UBOX5: variants seen among roughly 807,000 people sequenced by gnomAD.
The protein encoded by UBOX5 is RING finger protein 37.
Under a neutral mutation model 39.0 loss-of-function variants are expected in UBOX5, and 28 were observed. The observed-to-expected ratio is 0.72, with a 90% CI of 0.53 to 0.98. The LOEUF (loss-of-function observed/expected upper bound fraction) is 0.98. Among genes scored for constraint, UBOX5 ranks in the 50% least tolerant of loss-of-function variants. UBOX5 has a pLI of 0.00. For missense variants in UBOX5, 585 were observed against 674.4 expected (o/e 0.87, Z 1.47); for synonymous variants, 283 against 275.5 (o/e 1.03, Z -0.27).
At chr20:3,114,141 A>C (rs2066275626) in intron 4 of UBOX5, among the ~76,000 whole-genome samples, 2 of 152,210 alleles carry the variant, frequency 1.3e-5, no homozygotes, top group African/African-American at 4.8e-5. Flanking sequence ...TCTTAAAAAA[A>C]GAAAAAAGAG....
At chr20:3,123,761 C>T (rs958755527) in intron 1 of UBOX5, among the ~76,000 whole-genome samples, 3 of 152,046 alleles carry the variant, frequency 2.0e-5, no homozygotes, top group Admixed American at 6.6e-5. Context: ...ACAGAGTGTT[C>T]GGAATGGAAA....
In UBOX5 at chr20:3,122,364, A is replaced by T; in HGVS notation, c.275T>A (p.Val92Glu). The change falls in exon 3 of 5, where the codon GTG becomes GAG. Residue 92 changes from valine to glutamate, a missense_variant. Val to Glu is a moderately radical substitution (Grantham distance 121). Coordinates refer to ENST00000217173, the MANE Select transcript of UBOX5 (RefSeq NM_014948.4). ...CCGGCACTGGGGCGTATTCCAAGACACTCTGCTAGATGAGGCAGATGTGTA... is the reference window on the plus strand; with the variant it reads ...CCGGCACTGGGGCGTATTCCAAGACTCTCTGCTAGATGAGGCAGATGTGTA... ...EMYTSASSSR[V>E]SWNTPQCRTL... is the part of the protein sequence containing the mutation. The T allele has an allele frequency of 6.2e-7, 1 of 1,614,078 alleles. No homozygotes were observed. The highest frequency in any genetic ancestry group is 1.3e-5 in the African/African-American group (1 of 75,004).
intron 4 of UBOX5, among the ~76,000 whole-genome samples, chr20:3,114,575 C>A (rs1025392720): frequency 6.6e-6 from 1 of 152,046 alleles, no homozygotes; most frequent in Admixed American, 6.6e-5. Flanking sequence ...GGGATGAGGA[C>A]GACAAACCCA....
chr20:3,115,226 G>A lies in UBOX5; in HGVS notation c.1417+79C>T. 1.3e-5 allele frequency: 19 copies of A among 1,496,244 alleles called. No homozygotes were observed. In the South Asian group the frequency reaches 2.6e-4, roughly 20 times the overall value. The allele number at this position is 1,496,244 out of a possible 1,614,324, so 92.7% of individuals were successfully genotyped here. ...GCCAGGCAGGTCCACAGAGCCCCCA[G>A]GGACTCGGCCCAGCATCCAGAGACA... On this transcript the variant is annotated intron_variant, in intron 4 of 4. Coordinates refer to ENST00000217173, the MANE Select transcript of UBOX5 (RefSeq NM_014948.4).
At chr20:3,147,373 C>T in intron 1 of UBOX5, 2 of 1,614,188 alleles carry the variant, frequency 1.2e-6, no homozygotes, top group Non-Finnish European at 8.5e-7. Context: ...GCATGGTCTC[C>T]AGTAAAAAGA....
In UBOX5 at chr20:3,115,371, T is replaced by C. The variant is rs769246832; in HGVS notation, c.1351A>G (p.Arg451Gly). 1 of 1,614,178 alleles carries C rather than the reference T, an allele frequency of 6.2e-7. No homozygotes were observed. Among genetic ancestry groups the C allele is most frequent in the Non-Finnish European group, 8.5e-7 (1 of 1,180,016 alleles). ...GTGCCAAGGTGCTGGAGCTGTCCCC[T>C]GGTCAGCCGTGCCGTGAAGGAGGGC... The part of the protein sequence containing the change: ...SMPSFTARLT[R>G]GQLQHLGTRG... The change falls in exon 4 of 5, where the codon AGG (arginine) becomes GGG (glycine). Residue 451 changes from arginine to glycine, a missense_variant. Arg to Gly is a moderately radical substitution (Grantham distance 125). Transcript: ENST00000217173.
intron 4 of UBOX5, among the ~76,000 whole-genome samples, chr20:3,111,045 T>A (rs1297479357): frequency 6.6e-6 from 1 of 152,156 alleles, no homozygotes; most frequent in African/African-American, 2.4e-5. Context: ...CCCCCTCCTG[T>A]GCTGCCCTGG....
chr20:3,126,790 C>T (rs1300803805), intron 1 of UBOX5, among the ~76,000 whole-genome samples: 1 of 151,954 alleles, frequency 6.6e-6, no homozygotes, highest in African/African-American at 2.4e-5. Context: ...AATCCCAGCA[C>T]TTTGGGAGAC....
At chr20:3,113,119 CAA>C (rs34287965) in intron 4 of UBOX5, among the ~76,000 whole-genome samples, 1,711 of 121,944 alleles carry the variant, frequency 0.014, 33 homozygotes, top group African/African-American at 0.043. Flanking sequence ...ACTAAATATA[CAA>C]AAAAAAAAAA....
Position 3,150,056 on chromosome 20 carries a change from G to A in UBOX5, c.-42+9710C>T, listed in dbSNP as rs563782727. 1.1e-3 allele frequency among the ~76,000 whole-genome samples: 165 copies of A among 151,470 alleles called. 1 individual carries two copies. The highest frequency in any genetic ancestry group is 1.9e-3 in the Non-Finnish European group (126 of 67,864). Reference sequence around the variant, plus strand: ...AAAAGATTTAATTAGTTATACCTACGATAACCCTCCCTGTTCTTATAGCGC... The same window carrying A: ...AAAAGATTTAATTAGTTATACCTACAATAACCCTCCCTGTTCTTATAGCGC... On this transcript the variant is annotated intron_variant, in intron 1 of 4. Coordinates refer to ENST00000217173, the MANE Select transcript of UBOX5 (RefSeq NM_014948.4).
chr20:3,119,443 G>A (rs2066317767), intron 3 of UBOX5, among the ~76,000 whole-genome samples: 1 of 152,202 alleles, frequency 6.6e-6, no homozygotes, highest in Non-Finnish European at 1.5e-5. Context: ...AGTTACGCTG[G>A]GATTTGTGAT....
intron 2 of UBOX5, 97 bp from the exon 3 acceptor site, chr20:3,122,681 T>C: frequency 7.0e-7 from 1 of 1,430,304 alleles, no homozygotes; most frequent in Non-Finnish European, 9.2e-7. Context: ...CGTTTTAAAA[T>C]TTCCTCTATT....
At chr20:3,110,513 CT>C in intron 4 of UBOX5, 199 bp from the exon 5 acceptor site, 1 of 613,664 alleles carries the variant, frequency 1.6e-6, no homozygotes. Context: ...TCTCTATCAT[CT>C]TTGACCAAAT....
chr20:3,117,642 C>T (rs573695240), intron 3 of UBOX5, among the ~76,000 whole-genome samples: 2 of 152,176 alleles, frequency 1.3e-5, no homozygotes, highest in Admixed American at 1.3e-4. Context: ...CAAGATCGCA[C>T]AAGTGCACTC....
intron 1 of UBOX5, among the ~76,000 whole-genome samples, chr20:3,157,009 C>A (rs1250376865): frequency 1.3e-5 from 2 of 152,094 alleles, no homozygotes; most frequent in Admixed American, 1.3e-4. Context: ...TGACCATAAT[C>A]CCAGCACTTT....
At chr20:3,155,800 A>T (rs143955693) in intron 1 of UBOX5, among the ~76,000 whole-genome samples, 1 of 152,368 alleles carries the variant, frequency 6.6e-6, no homozygotes, top group African/African-American at 2.4e-5. Context: ...CAGAAATGAT[A>T]ACAAAATAAG....
intron 1 of UBOX5, chr20:3,148,825 C>CT (rs1182976511): frequency 1.2e-6 from 2 of 1,614,118 alleles, no homozygotes; most frequent in Non-Finnish European, 1.7e-6. Context: ...AGGAAGAAGT[C>CT]TTGCTGAATT....
intron 1 of UBOX5, among the ~76,000 whole-genome samples, chr20:3,152,778 C>T (rs2066644805): frequency 1.3e-5 from 2 of 151,592 alleles, no homozygotes; most frequent in South Asian, 2.1e-4. Context: ...CGTGGTAGTG[C>T]GCCTGTAATC....
intron 1 of UBOX5, among the ~76,000 whole-genome samples, chr20:3,141,461 C>A (rs2066516829): frequency 6.6e-6 from 1 of 151,276 alleles, no homozygotes; most frequent in South Asian, 2.1e-4. Flanking sequence ...ACCAGCCTGA[C>A]CAACATGGAG....
Sources: allele counts gnomAD v4.1 joint callset (sites outside exome capture counted in the v4.1 genomes callset), GRCh38; gene constraint gnomAD v4.1.1; transcripts MANE v1.5; gene names NCBI Gene and HGNC (gene_info 2026-07-23, HGNC 2026-07-21).